SPAG16: variants seen among roughly 807,000 people sequenced by gnomAD.
The protein encoded by SPAG16 is sperm-associated antigen 16 protein.
SPAG16 carries 86 observed loss-of-function variants against 80.4 expected under a neutral mutation model. The observed-to-expected ratio is 1.07, with a 90% CI of 0.90 to 1.28. The LOEUF (loss-of-function observed/expected upper bound fraction) is 1.28. SPAG16 is among the 50% of genes most tolerant of loss of function. SPAG16 has a pLI of 0.00. For missense variants in SPAG16, 870 were observed against 765.3 expected (o/e 1.14, Z -1.61); for synonymous variants, 294 against 265.9 (o/e 1.11, Z -1.03).
rs973762362 is a variant in SPAG16, at chr2:213,861,007, G to T, written c.1071-1478G>T. Among the ~76,000 whole-genome samples, 11 of 151,934 alleles carry T rather than the reference G, an allele frequency of 7.2e-5. No homozygotes were observed. In the South Asian group the frequency reaches 1.7e-3, roughly 23 times the overall value. ...AGTTCTATAAATGTATCTTCTATCC[G>T]GTTTGAGCTGTAATAAATTCTTTAC... is the stretch of plus-strand genomic sequence containing the variant. On this transcript the variant is annotated intron_variant, in intron 10 of 15. Transcript: ENST00000331683.
At chr2:213,777,265 G>A (rs1481915987) in intron 10 of SPAG16, among the ~76,000 whole-genome samples, 1 of 7,284 alleles carries the variant, frequency 1.4e-4, no homozygotes, top group African/African-American at 9.4e-4. Flanking sequence ...TTTTTTTTTT[G>A]AGACGTAGTC....
intron 14 of SPAG16, among the ~76,000 whole-genome samples, chr2:214,141,374 G>A (rs1336717367): frequency 6.6e-6 from 1 of 151,806 alleles, no homozygotes; most frequent in African/African-American, 2.4e-5. Context: ...GGCTGAGGCA[G>A]GAGAATCACC....
At chr2:214,028,045 G>T (rs1331653604) in intron 13 of SPAG16, among the ~76,000 whole-genome samples, 2 of 151,816 alleles carry the variant, frequency 1.3e-5, no homozygotes, top group Admixed American at 1.3e-4. Context: ...GGAACTTTTG[G>T]CATCTAGGAT....
At chr2:214,235,942 C>A (rs549607346) in intron 15 of SPAG16, among the ~76,000 whole-genome samples, 67 of 152,216 alleles carry the variant, frequency 4.4e-4, no homozygotes, top group African/African-American at 1.5e-3. Flanking sequence ...AACTAATTTT[C>A]AGGACACAGC....
At chr2:214,150,903 C>T (rs1489146909) in intron 15 of SPAG16, among the ~76,000 whole-genome samples, 1 of 151,964 alleles carries the variant, frequency 6.6e-6, no homozygotes, top group East Asian at 1.9e-4. Context: ...GCCCTTGGTA[C>T]ATCAAACCTA....
chr2:213,968,671 G>T (rs1323328420), intron 12 of SPAG16, among the ~76,000 whole-genome samples: 1 of 152,142 alleles, frequency 6.6e-6, no homozygotes, highest in Non-Finnish European at 1.5e-5. Flanking sequence ...GACGTAAAAA[G>T]TCCAAGCTGT....
intron 10 of SPAG16, among the ~76,000 whole-genome samples, chr2:213,695,839 A>G (rs1274751790): frequency 6.6e-6 from 1 of 152,214 alleles, no homozygotes; most frequent in East Asian, 1.9e-4. Flanking sequence ...AAGGTCAATC[A>G]GGAGCTTAAT....
intron 15 of SPAG16, among the ~76,000 whole-genome samples, chr2:214,233,878 T>G (rs966739003): frequency 1.3e-5 from 2 of 152,080 alleles, no homozygotes; most frequent in African/African-American, 4.8e-5. Flanking sequence ...CGACAAACTT[T>G]TGTGGTTTTT....
intron 10 of SPAG16, among the ~76,000 whole-genome samples, chr2:213,771,629 G>T (rs1324299065): frequency 6.6e-6 from 1 of 151,990 alleles, no homozygotes; most frequent in Non-Finnish European, 1.5e-5. Context: ...TAATTTTTAT[G>T]TGTGGTGTAA....
chr2:213,890,923 C>T (rs970681627), intron 11 of SPAG16, among the ~76,000 whole-genome samples: 1 of 151,970 alleles, frequency 6.6e-6, no homozygotes, highest in Non-Finnish European at 1.5e-5. Context: ...TATGAGCATA[C>T]AGCTTAGAAA....
intron 15 of SPAG16, among the ~76,000 whole-genome samples, chr2:214,318,075 G>C (rs1559208147): frequency 6.6e-6 from 1 of 152,186 alleles, no homozygotes; most frequent in Non-Finnish European, 1.5e-5. Flanking sequence ...TTTAAAGATA[G>C]TTATGATGTA....
chr2:214,002,680 G>A (rs191638468), intron 12 of SPAG16, among the ~76,000 whole-genome samples: 14 of 152,288 alleles, frequency 9.2e-5, no homozygotes, highest in Admixed American at 9.2e-4. Flanking sequence ...CCTGGTCCAA[G>A]TTCAAAGGCC....
At chr2:213,289,440 G>A (rs1236578540) in intron 1 of SPAG16, among the ~76,000 whole-genome samples, 1 of 152,196 alleles carries the variant, frequency 6.6e-6, no homozygotes, top group African/African-American at 2.4e-5. Context: ...CAATTCTGTT[G>A]AATTGGTAGT....
chr2:213,459,200 A>G (rs1207404585), intron 9 of SPAG16, among the ~76,000 whole-genome samples: 1 of 152,032 alleles, frequency 6.6e-6, no homozygotes, highest in Admixed American at 6.5e-5. Flanking sequence ...CATTTTCTGC[A>G]TTCTTGTTGG....
intron 10 of SPAG16, among the ~76,000 whole-genome samples, chr2:213,580,912 T>G (rs900537033): frequency 3.3e-5 from 5 of 152,140 alleles, no homozygotes; most frequent in African/African-American, 1.2e-4. Context: ...TGTGTGTGTT[T>G]TTTTACTATT....
At chr2:214,151,101 T>C (rs751437314) in intron 15 of SPAG16, among the ~76,000 whole-genome samples, 1 of 152,052 alleles carries the variant, frequency 6.6e-6, no homozygotes, top group African/African-American at 2.4e-5. Flanking sequence ...TGACCATTTC[T>C]TTAAGGAACA....
chr2:214,222,110 C>T (rs201841440), intron 15 of SPAG16, among the ~76,000 whole-genome samples: 201 of 103,414 alleles, frequency 1.9e-3, no homozygotes, highest in South Asian at 4.7e-3. Flanking sequence ...CCTTGCTATT[C>T]TTTTTTTTTT....
intron 15 of SPAG16, among the ~76,000 whole-genome samples, chr2:214,263,168 T>C (rs1427162071): frequency 6.6e-6 from 1 of 152,142 alleles, no homozygotes; most frequent in Non-Finnish European, 1.5e-5. Flanking sequence ...CAGGACTTTT[T>C]CATCTTATAA....
At chr2:213,398,465 A>G (rs183898790) in intron 9 of SPAG16, among the ~76,000 whole-genome samples, 3 of 152,274 alleles carry the variant, frequency 2.0e-5, no homozygotes, top group African/African-American at 7.2e-5. Context: ...TTGCAGGCAC[A>G]CTAGCCTCCT....
Sources: gnomAD v4.1 joint callset for allele counts (sites outside exome capture counted in the v4.1 genomes callset) on GRCh38, gnomAD v4.1.1 for gene constraint, MANE v1.5 for transcripts, NCBI Gene and HGNC (gene_info 2026-07-23, HGNC 2026-07-21) for gene names.